Variants in ADCY5 observed in about 807,000 individuals in gnomAD.
ADCY5 encodes adenylate cyclase type 5.
In ADCY5, 30 loss-of-function variants were observed where a neutral mutation model predicts 119.7. The ratio of observed to expected loss-of-function variants is 0.25; its 90% CI spans 0.19 to 0.34. The LOEUF (loss-of-function observed/expected upper bound fraction) is 0.34, where lower values mean the gene tolerates loss of function less well. Among genes scored for constraint, ADCY5 ranks in the 10% least tolerant of loss-of-function variants. ADCY5 has a pLI of 1.00. For synonymous variants in ADCY5, 753 were observed against 762.2 expected, an observed-to-expected ratio of 0.99 and a Z score of 0.20; for missense variants, 1,324 against 1,775.2, an observed-to-expected ratio of 0.75 and a Z score of 4.57.
At chr3:123,424,417 G>T (rs1456722625) in intron 1 of ADCY5, among the ~76,000 whole-genome samples, 2 of 152,178 alleles carry the variant, frequency 1.3e-5, no homozygotes, top group African/African-American at 4.8e-5. Flanking sequence ...CCTCCCCAGG[G>T]GGAAGGCGAG....
intron 20 of ADCY5, among the ~76,000 whole-genome samples, chr3:123,284,971 ACT>A (rs1282246849): frequency 6.6e-6 from 1 of 152,218 alleles, no homozygotes; most frequent in Non-Finnish European, 1.5e-5. Context: ...CGTGCCAGGC[ACT>A]GTGACGGGCA....
chr3:123,288,719 A>T (rs1938944541), intron 19 of ADCY5, among the ~76,000 whole-genome samples: 1 of 152,226 alleles, frequency 6.6e-6, no homozygotes, highest in South Asian at 2.1e-4. Context: ...TCAAAATAAA[A>T]GGTTGGGGGT....
chr3:123,434,858 C>G (rs565482324), intron 1 of ADCY5, among the ~76,000 whole-genome samples: 31 of 152,292 alleles, frequency 2.0e-4, no homozygotes, highest in Admixed American at 7.8e-4. Context: ...CCCTAACAGA[C>G]CATGCAGGAT....
intron 15 of ADCY5, among the ~76,000 whole-genome samples, chr3:123,299,558 A>ACAGC (rs1340197797): frequency 2.6e-5 from 4 of 152,176 alleles, no homozygotes; most frequent in African/African-American, 7.2e-5. Context: ...GTGGGACCAG[A>ACAGC]CAGCCATAGG....
At chr3:123,290,631 C>T (rs1021159868) in intron 18 of ADCY5, among the ~76,000 whole-genome samples, 6 of 152,232 alleles carry the variant, frequency 3.9e-5, no homozygotes, top group Admixed American at 1.3e-4. Flanking sequence ...CTCTGCTACT[C>T]AGGGCCTCAC....
At chr3:123,341,360 T>C (rs1018215148) in intron 3 of ADCY5, among the ~76,000 whole-genome samples, 3 of 152,044 alleles carry the variant, frequency 2.0e-5, no homozygotes, top group Non-Finnish European at 2.9e-5. Context: ...TCATGCTAAA[T>C]GAAATAAGCC....
chr3:123,344,520 C>T (rs940831568), intron 3 of ADCY5, among the ~76,000 whole-genome samples: 12 of 152,174 alleles, frequency 7.9e-5, no homozygotes, highest in South Asian at 2.1e-4. Context: ...TATCCTATTA[C>T]GCAGATGAGG....
intron 1 of ADCY5, among the ~76,000 whole-genome samples, chr3:123,390,234 GA>G (rs1944364304): frequency 6.6e-6 from 1 of 152,246 alleles, no homozygotes; most frequent in Non-Finnish European, 1.5e-5. Context: ...AAAAATGGGG[GA>G]AGAAGAGGGA....
At chr3:123,447,301 C>T (rs1945836268) in intron 1 of ADCY5, 111 bp downstream of exon 1, 1 of 1,242,120 alleles carries the variant, frequency 8.1e-7, no homozygotes, top group East Asian at 2.6e-5. Flanking sequence ...AGCCCTGTCT[C>T]TCTGGCTCTT....
At chr3:123,334,608 T>C (rs918847008) in intron 3 of ADCY5, among the ~76,000 whole-genome samples, 1 of 152,134 alleles carries the variant, frequency 6.6e-6, no homozygotes, top group Admixed American at 6.5e-5. Flanking sequence ...CGTGGTGGCA[T>C]GCACCTGTAA....
At chr3:123,302,953 G>C in intron 14 of ADCY5, 102 bp downstream of exon 14, 1 of 1,392,602 alleles carries the variant, frequency 7.2e-7, no homozygotes, top group Admixed American at 1.8e-5. Context: ...ACAGTGAGCT[G>C]GTGAGACCCT....
intron 3 of ADCY5, among the ~76,000 whole-genome samples, chr3:123,342,338 C>G (rs950441485): frequency 1.3e-5 from 2 of 152,168 alleles, no homozygotes; most frequent in Admixed American, 1.3e-4. Flanking sequence ...GCAGCCAAGT[C>G]CTTGAAGGAG....
intron 1 of ADCY5, among the ~76,000 whole-genome samples, chr3:123,360,163 T>C (rs1298456326): frequency 6.6e-6 from 1 of 152,140 alleles, no homozygotes. Flanking sequence ...ATTGCTGTTA[T>C]GTGTTTCTGG....
At chr3:123,416,110 A>G (rs1945178815) in intron 1 of ADCY5, 1 of 1,505,692 alleles carries the variant, frequency 6.6e-7, no homozygotes, top group Non-Finnish European at 8.9e-7. Flanking sequence ...AAGAAGGTGG[A>G]AGGGCAAAGG....
chr3:123,324,740 G>C (rs1046048861), intron 8 of ADCY5, among the ~76,000 whole-genome samples: 1 of 152,142 alleles, frequency 6.6e-6, no homozygotes, highest in South Asian at 2.1e-4. Flanking sequence ...GCTGACACCC[G>C]ACCATGGCCT....
In ADCY5 at chr3:123,448,610, G is replaced by A. The variant is rs1945874845; in HGVS notation, c.-65C>T. ...AAGCCGGGCCGGGGGTCTCCAAGGGGAGGGCGGACGGCCGAGCAGGGGGAC... is the reference window on the plus strand; with the variant it reads ...AAGCCGGGCCGGGGGTCTCCAAGGGAAGGGCGGACGGCCGAGCAGGGGGAC... On this transcript the variant is annotated 5_prime_UTR_variant, in exon 1 of 21. Transcript: ENST00000462833. The A allele has an allele frequency of 8.0e-7, 1 of 1,256,538 alleles. No individual in the cohort carries two copies. The highest frequency in any genetic ancestry group is 1.0e-6 in the Non-Finnish European group (1 of 1,001,008). 77.8% of individuals were successfully genotyped at this position (1,256,538 alleles called of 1,614,324 possible).
chr3:123,343,819 C>T (rs1942393773), intron 3 of ADCY5, among the ~76,000 whole-genome samples: 1 of 152,286 alleles, frequency 6.6e-6, no homozygotes, highest in East Asian at 1.9e-4. Context: ...GTGGACATCC[C>T]AGCATGGGCC....
At chr3:123,330,157 A>G (rs902246665) in intron 5 of ADCY5, among the ~76,000 whole-genome samples, 4 of 152,184 alleles carry the variant, frequency 2.6e-5, no homozygotes, top group Admixed American at 2.0e-4. Context: ...AAGTGCTGCA[A>G]GTAGAACTGA....
intron 1 of ADCY5, among the ~76,000 whole-genome samples, chr3:123,381,885 G>A (rs1357956949): frequency 1.3e-5 from 2 of 152,198 alleles, no homozygotes; most frequent in African/African-American, 4.8e-5. Context: ...CCTTAAAAAT[G>A]TGAGTCAGAA....
Sources: allele counts gnomAD v4.1 joint callset (sites outside exome capture counted in the v4.1 genomes callset), GRCh38; gene constraint gnomAD v4.1.1; transcripts MANE v1.5; gene names NCBI Gene and HGNC (gene_info 2026-07-23, HGNC 2026-07-21).